IGSF9B: variants seen among roughly 807,000 people sequenced by gnomAD.
IGSF9B encodes protein turtle homolog B.
A neutral mutation model predicts 143.7 loss-of-function variants in IGSF9B; 48 were observed. The ratio of observed to expected loss-of-function variants is 0.33; its 90% CI spans 0.26 to 0.42. IGSF9B has a LOEUF of 0.42. Among genes scored for constraint, IGSF9B ranks in the 20% least tolerant of loss-of-function variants. The pLI is 1.00. For missense variants in IGSF9B, 1,706 were observed against 1,980.0 expected (o/e 0.86, Z 2.63); for synonymous variants, 903 against 833.1 (o/e 1.08, Z -1.44).
chr11:133,935,917 G>C, intron 6 of IGSF9B, 136 bp downstream of exon 6: 1 of 1,383,374 alleles, frequency 7.2e-7, no homozygotes, highest in Non-Finnish European at 9.8e-7. Context: ...TGGCATGTGA[G>C]ACACACGGAC....
intron 1 of IGSF9B, among the ~76,000 whole-genome samples, chr11:133,949,186 C>A (rs993874498): frequency 3.9e-5 from 6 of 152,178 alleles, no homozygotes; most frequent in Non-Finnish European, 7.3e-5. Flanking sequence ...ATAAGCAAGA[C>A]AAAATGAGAG....
intron 14 of IGSF9B, 115 bp downstream of exon 14, chr11:133,925,624 A>G (rs11825659): frequency 0.04 from 29,073 of 733,216 alleles, 3,976 homozygotes; most frequent in African/African-American, 0.36. Context: ...GAGGAGGTAC[A>G]GGATGTGGCT....
At position 133,956,837 on chromosome 11, in the gene IGSF9B, T is replaced by C; in HGVS notation, c.-83A>G. ...CGCGCCTCGCGCCCGAGCGCCCGCC[T>C]CGCGCCCGCCTCGCGCCGCCTACGC... On this transcript the variant is annotated 5_prime_UTR_variant, in exon 1 of 20. Coordinates refer to ENST00000533871, the MANE Select transcript of IGSF9B (RefSeq NM_001277285.4). 1 of 840,758 alleles carries C rather than the reference T, an allele frequency of 1.2e-6. No homozygotes were observed. 52.1% of individuals were successfully genotyped at this position (840,758 alleles called of 1,614,324 possible).
intron 5 of IGSF9B, among the ~76,000 whole-genome samples, chr11:133,936,810 G>A (rs1939832386): frequency 6.6e-6 from 1 of 152,192 alleles, no homozygotes; most frequent in African/African-American, 2.4e-5. Context: ...CTAAGCCGGG[G>A]GCCGAGTTCA....
chr11:133,924,720 C>T (rs1939594857), intron 15 of IGSF9B, 100 bp downstream of exon 15: 3 of 985,058 alleles, frequency 3.0e-6, no homozygotes, highest in African/African-American at 1.6e-5. Flanking sequence ...AGTTTCCAAT[C>T]CAGCTTCTCC....
intron 18 of IGSF9B, chr11:133,912,452 T>A: frequency 2.3e-6 from 1 of 434,290 alleles, no homozygotes; most frequent in Middle Eastern, 3.4e-4. Context: ...CAGTGAATCA[T>A]CCTCCATCTC....
rs767249629 is a variant in IGSF9B, at chr11:133,901,890, AAC to A, written c.*7177_*7178del. Among the ~76,000 whole-genome samples the A allele has an allele frequency of 2.1e-5, 3 of 140,838 alleles. No homozygotes were observed. Among genetic ancestry groups the A allele is most frequent in the East Asian group, 2.1e-4 (1 of 4,784 alleles). The allele number at this position is 140,838 out of a possible 152,430, so 92.4% of individuals were successfully genotyped here. On this transcript the variant is annotated 3_prime_UTR_variant, in exon 20 of 20. Transcript: ENST00000533871. ...CCACACACGCACCACACACACACACAACACACACACAACACACCACACACAAC... is the reference window on the plus strand; with the variant it reads ...CCACACACGCACCACACACACACACAACACACACAACACACCACACACAAC...
intron 1 of IGSF9B, 145 bp from the exon 2 acceptor site, chr11:133,946,403 CACA>C (rs1940053309): frequency 4.5e-6 from 3 of 670,568 alleles, no homozygotes; most frequent in Non-Finnish European, 7.8e-6. Context: ...GGGTCCCAGG[CACA>C]CCCTCCATCC....
chr11:133,919,837 G>A lies in IGSF9B; in HGVS notation c.3888C>T (p.Asp1296=). ...PPGPAPAGPG[D]SLDVFGQTPS... ...GCGTCTGTCCAAACACGTCCAAGCTGTCCCCAGGCCCAGCAGGGGCGGGGC... is the reference window on the plus strand; with the variant it reads ...GCGTCTGTCCAAACACGTCCAAGCTATCCCCAGGCCCAGCAGGGGCGGGGC... The change falls in exon 18 of 20, where the codon GAC becomes GAT. Residue 1296 remains aspartate (D), a synonymous_variant. Transcript: ENST00000533871. 6.3e-7 allele frequency: 1 copy of A among 1,578,264 alleles called. No homozygotes were observed. The highest frequency in any genetic ancestry group is 8.6e-7 in the Non-Finnish European group (1 of 1,162,266).
intron 3 of IGSF9B, among the ~76,000 whole-genome samples, chr11:133,943,496 G>T (rs1025742387): frequency 2.0e-5 from 3 of 152,022 alleles, no homozygotes; most frequent in African/African-American, 4.8e-5. Context: ...GGGGACTCAG[G>T]CCCCCAGCCT....
Position 133,945,465 on chromosome 11 carries a change from C to T in IGSF9B, c.262+596G>A, listed in dbSNP as rs745328506. ...AACAACGCTCGCTCAATGACACGCACACGCACGCACACACACACCCACGCC... is the reference window on the plus strand; with the variant it reads ...AACAACGCTCGCTCAATGACACGCATACGCACGCACACACACACCCACGCC... On this transcript the variant is annotated intron_variant, in intron 2 of 19. Transcript: ENST00000533871. This position sits in a 1 kb window ranked among gnomAD's most constrained non-coding sequence, Gnocchi z 4.6. Among the ~76,000 whole-genome samples the T allele has an allele frequency of 3.3e-5, 5 of 152,196 alleles. No individual in the cohort carries two copies. Among genetic ancestry groups the T allele is most frequent in the Non-Finnish European group, 5.9e-5 (4 of 68,032 alleles).
intron 6 of IGSF9B, 100 bp downstream of exon 6, chr11:133,935,953 A>G: frequency 6.8e-7 from 1 of 1,465,466 alleles, no homozygotes; most frequent in East Asian, 2.4e-5. Flanking sequence ...CCCCAGCTCC[A>G]AGAGCCACGG....
chr11:133,922,832 G>A, intron 15 of IGSF9B, 102 bp from the exon 16 acceptor site: 1 of 1,166,462 alleles, frequency 8.6e-7, no homozygotes, highest in Non-Finnish European at 1.2e-6. Flanking sequence ...TTGTAGAACA[G>A]ACAGTGTCAA....
chr11:133,917,595 G>A (rs1939411711), intron 18 of IGSF9B, among the ~76,000 whole-genome samples: 1 of 152,122 alleles, frequency 6.6e-6, no homozygotes, highest in Non-Finnish European at 1.5e-5. Context: ...GACTACCAAG[G>A]TCAGGCTGCA....
chr11:133,925,995 C>T (rs1050808352), intron 13 of IGSF9B, 30 bp from the exon 14 acceptor site: 20 of 1,504,080 alleles, frequency 1.3e-5, no homozygotes, highest in African/African-American at 8.3e-5. Flanking sequence ...AGAACCACAG[C>T]GCATCAGCGA....
chr11:133,902,520 A>T lies in IGSF9B; in HGVS notation c.*6549T>A, dbSNP rs1354313108. 6.8e-6 allele frequency among the ~76,000 whole-genome samples: 1 copy of T among 146,248 alleles called. No homozygotes were observed. Among genetic ancestry groups the T allele is most frequent in the Non-Finnish European group, 1.5e-5 (1 of 66,278 alleles). On this transcript the variant is annotated 3_prime_UTR_variant, in exon 20 of 20. Coordinates refer to ENST00000533871, the MANE Select transcript of IGSF9B (RefSeq NM_001277285.4). ...CCAGACATGCACACCACACACAGAC[A>T]TGCACACCACACACATATACCACAC...
chr11:133,944,343 C>T lies in IGSF9B; in HGVS notation c.286G>A (p.Ala96Thr), dbSNP rs1041177681. The change falls in exon 3 of 20, where the codon GCA becomes ACA. Residue 96 changes from alanine (A) to threonine (T), a missense_variant. Transcript: ENST00000533871. ...CGAACTTGTTCCAGCCGCAGAGATG[C>T]CTTATCATGAAGACTGGCCCGGCCT... ...YAGRASLHDKASLRLEQVRSE... is the reference protein window; with the variant it reads ...YAGRASLHDKTSLRLEQVRSE... The T allele has an allele frequency of 1.9e-6, 3 of 1,613,740 alleles. No individual in the cohort carries two copies. The highest frequency in any genetic ancestry group is 2.5e-6 in the Non-Finnish European group (3 of 1,179,886).
At chr11:133,930,912 A>G in intron 11 of IGSF9B, 72 bp downstream of exon 11, 1 of 1,445,868 alleles carries the variant, frequency 6.9e-7, no homozygotes, top group East Asian at 2.5e-5. Context: ...GGACGCTCCC[A>G]GCGTCCAGCA....
intron 17 of IGSF9B, 87 bp downstream of exon 17, chr11:133,922,089 AC>A (rs1939549166): frequency 9.1e-7 from 1 of 1,102,018 alleles, no homozygotes; most frequent in Non-Finnish European, 1.4e-6. Flanking sequence ...GCTTAGAAAC[AC>A]TAACATGGGG....
Sources: gnomAD v4.1 joint callset for allele counts (sites outside exome capture counted in the v4.1 genomes callset) on GRCh38, gnomAD v4.1.1 for gene constraint, Gnocchi (gnomAD v3.1) non-coding constraint, MANE v1.5 for transcripts, NCBI Gene and HGNC (gene_info 2026-07-23, HGNC 2026-07-21) for gene names.